Variants in SPIRE1 observed in about 807,000 individuals in gnomAD.
The protein encoded by SPIRE1 is spire type actin nucleation factor 1.
SPIRE1 carries 40 observed loss-of-function variants against 94.1 expected under a neutral mutation model. The observed-to-expected ratio is 0.43, with a 90% confidence interval of 0.33 to 0.55. The LOEUF (loss-of-function observed/expected upper bound fraction) is 0.55. Among genes scored for constraint, SPIRE1 ranks in the 20% least tolerant of loss-of-function variants. The pLI, the probability that SPIRE1 is intolerant of heterozygous loss-of-function variation, is 0.06. For synonymous variants in SPIRE1, 376 were observed against 371.7 expected (o/e 1.01, Z -0.13); for missense variants, 838 against 975.2 (o/e 0.86, Z 1.87).
chr18:12,556,584 A>G (rs750231599), intron 2 of SPIRE1, among the ~76,000 whole-genome samples: 1 of 152,148 alleles, frequency 6.6e-6, no homozygotes, highest in African/African-American at 2.4e-5. Context: ...TGGTGGGTTC[A>G]TGGTCTTGCT....
intron 12 of SPIRE1, among the ~76,000 whole-genome samples, chr18:12,458,743 A>G (rs1317155142): frequency 6.6e-6 from 1 of 152,222 alleles, no homozygotes; most frequent in African/African-American, 2.4e-5. Context: ...GGTCTTCAGT[A>G]GAGGCAGGAG....
At chr18:12,531,102 G>A (rs532310207) in intron 4 of SPIRE1, among the ~76,000 whole-genome samples, 1 of 151,998 alleles carries the variant, frequency 6.6e-6, no homozygotes, top group Non-Finnish European at 1.5e-5. Context: ...GTCTTGCCTT[G>A]TTGGCCAGGC....
intron 16 of SPIRE1, chr18:12,451,087 A>C: frequency 2.5e-6 from 1 of 402,706 alleles, no homozygotes; most frequent in South Asian, 2.7e-5. Context: ...AAAAAAAAGA[A>C]ATAATACTAA....
At chr18:12,620,878 G>A (rs1474108394) in intron 2 of SPIRE1, among the ~76,000 whole-genome samples, 1 of 152,116 alleles carries the variant, frequency 6.6e-6, no homozygotes, top group African/African-American at 2.4e-5. Flanking sequence ...CAGAATGGGA[G>A]AAAATATTGG....
intron 2 of SPIRE1, among the ~76,000 whole-genome samples, chr18:12,633,422 C>A (rs558131931): frequency 6.6e-6 from 1 of 151,992 alleles, no homozygotes; most frequent in South Asian, 2.1e-4. Context: ...ACTAAAAATA[C>A]AAAAACTAGC....
At chr18:12,644,917 G>A (rs544198091) in intron 1 of SPIRE1, among the ~76,000 whole-genome samples, 8 of 152,082 alleles carry the variant, frequency 5.3e-5, no homozygotes, top group Non-Finnish European at 1.0e-4. Flanking sequence ...AAGAAGGGCT[G>A]GACAAATATT....
chr18:12,572,137 T>C (rs953749232), intron 2 of SPIRE1, among the ~76,000 whole-genome samples: 6 of 151,654 alleles, frequency 4.0e-5, no homozygotes, highest in African/African-American at 1.2e-4. Flanking sequence ...CTGAGAAAAA[T>C]CCTAATGACT....
rs138317741 is a variant in SPIRE1, at chr18:12,458,942, C to T, written c.1638+4409G>A. 3.4e-3 allele frequency among the ~76,000 whole-genome samples: 518 copies of T among 152,186 alleles called. 3 individuals are homozygous for T. Among genetic ancestry groups the T allele is most frequent in the African/African-American group, 0.012 (486 of 41,508 alleles). On this transcript the variant is annotated intron_variant, in intron 12 of 16. Coordinates refer to ENST00000409402, the MANE Select transcript of SPIRE1 (RefSeq NM_001128626.2). Reference sequence around the variant, plus strand: ...GACTAAGAAAGAGTAACAAAGAAACCAGCTGCGGGGTCATCTGTCAAGGAC... The same window carrying T: ...GACTAAGAAAGAGTAACAAAGAAACTAGCTGCGGGGTCATCTGTCAAGGAC...
At chr18:12,524,003 A>T (rs890295056) in intron 4 of SPIRE1, among the ~76,000 whole-genome samples, 1 of 152,224 alleles carries the variant, frequency 6.6e-6, no homozygotes, top group Non-Finnish European at 1.5e-5. Flanking sequence ...ATACATAAAG[A>T]TAATTAATTT....
In SPIRE1 at chr18:12,549,434, T is replaced by C. The variant is rs1391223253; in HGVS notation, c.373-2530A>G. Among the ~76,000 whole-genome samples, 4 of 125,264 alleles carry C rather than the reference T, an allele frequency of 3.2e-5. No individual in the cohort carries two copies. The South Asian group carries it at 7.6e-4, about 24-fold the overall frequency. The allele number at this position is 125,264 out of a possible 152,430, so 82.2% of individuals were successfully genotyped here. A position where few individuals can be genotyped will look rare whatever the true frequency, so the allele number is the denominator to read the frequency against. Reference sequence around the variant, plus strand: ...TTTTGCTTTTTGTTTGTTTTTGTTATTGTTGTTTTTTTTTTTTTTTTTTTT... The same window carrying C: ...TTTTGCTTTTTGTTTGTTTTTGTTACTGTTGTTTTTTTTTTTTTTTTTTTT... On this transcript the variant is annotated intron_variant, in intron 2 of 16. Transcript: ENST00000409402.
chr18:12,567,889 C>T (rs2035858622), intron 2 of SPIRE1, among the ~76,000 whole-genome samples: 1 of 152,200 alleles, frequency 6.6e-6, no homozygotes, highest in South Asian at 2.1e-4. Flanking sequence ...TCCCATTTCA[C>T]TTCTAGAAAT....
chr18:12,457,967 C>T (rs939270791), intron 12 of SPIRE1, among the ~76,000 whole-genome samples: 11 of 151,682 alleles, frequency 7.3e-5, no homozygotes, highest in African/African-American at 2.7e-4. Context: ...GCCTCAGCCT[C>T]CTGAGTAGCT....
intron 10 of SPIRE1, among the ~76,000 whole-genome samples, chr18:12,469,924 ATTAATTT>A (rs1367411290): frequency 6.6e-6 from 1 of 151,644 alleles, no homozygotes. Flanking sequence ...CACATAACAT[ATTAATTT>A]TTATGTTCAT....
At chr18:12,641,294 C>T (rs2038076286) in intron 1 of SPIRE1, among the ~76,000 whole-genome samples, 1 of 151,856 alleles carries the variant, frequency 6.6e-6, no homozygotes, top group African/African-American at 2.4e-5. Context: ...GAAAAAAAAC[C>T]CATAGTTTTG....
chr18:12,605,647 C>G (rs1282548076), intron 2 of SPIRE1, among the ~76,000 whole-genome samples: 1 of 152,098 alleles, frequency 6.6e-6, no homozygotes, highest in Non-Finnish European at 1.5e-5. Context: ...AAAAAATTAC[C>G]ACATGCATTA....
intron 1 of SPIRE1, among the ~76,000 whole-genome samples, chr18:12,657,059 G>T (rs2038560493): frequency 6.6e-6 from 1 of 152,262 alleles, no homozygotes; most frequent in Non-Finnish European, 1.5e-5. Flanking sequence ...GAGGAGTGCG[G>T]TGTTTCCGAC....
intron 3 of SPIRE1, among the ~76,000 whole-genome samples, chr18:12,544,494 G>C (rs117814350): frequency 6.6e-6 from 1 of 150,976 alleles, no homozygotes; most frequent in Non-Finnish European, 1.5e-5. Context: ...ATCAGCTATC[G>C]CGCCCAGTCG....
In SPIRE1 at chr18:12,537,535, T is replaced by C. The variant is rs567128489; in HGVS notation, c.604-1934A>G. On this transcript the variant is annotated intron_variant, in intron 3 of 16. Coordinates refer to ENST00000409402, the MANE Select transcript of SPIRE1 (RefSeq NM_001128626.2). ...CACAACCCATTCACTGGTTGTAAAC[T>C]GCAACTTTAAAAACACTGGTGTAAA... Among the ~76,000 whole-genome samples, 4 of 152,326 alleles carry C rather than the reference T, an allele frequency of 2.6e-5. 1 individual carries two copies. In the South Asian group the frequency reaches 8.3e-4, roughly 32 times the overall value.
intron 2 of SPIRE1, among the ~76,000 whole-genome samples, chr18:12,601,729 C>T (rs1365525289): frequency 1.3e-5 from 2 of 152,190 alleles, no homozygotes; most frequent in Non-Finnish European, 2.9e-5. Flanking sequence ...AATCCCACAA[C>T]GTGGCCTTTG....
Sources: gnomAD v4.1 joint callset for allele counts (sites outside exome capture counted in the v4.1 genomes callset) on GRCh38, gnomAD v4.1.1 for gene constraint, MANE v1.5 for transcripts, NCBI Gene and HGNC (gene_info 2026-07-23, HGNC 2026-07-21) for gene names.